Variants in ITPRIP observed in about 807,000 individuals in gnomAD.
ITPRIP encodes the protein inositol 1,4,5-trisphosphate receptor interacting protein, also known as inositol 1,4,5-trisphosphate receptor-interacting protein.
ITPRIP carries 32 observed loss-of-function variants against 35.8 expected under a neutral mutation model. The observed-to-expected ratio is 0.89, with a 90% CI of 0.68 to 1.20. The LOEUF is 1.20. Among genes scored for constraint, ITPRIP ranks in the 50% most tolerant of loss-of-function variants. The pLI, the probability that ITPRIP is intolerant of heterozygous loss-of-function variation, is 0.00. For synonymous variants in ITPRIP, 358 were observed against 324.0 expected (o/e 1.11, Z -1.13); for missense variants, 653 against 735.6 (o/e 0.89, Z 1.30).
intron 1 of ITPRIP, among the ~76,000 whole-genome samples, chr10:104,332,427 T>C (rs1353793010): frequency 6.6e-6 from 1 of 152,164 alleles, no homozygotes. Flanking sequence ...AAACAAAAAC[T>C]TTAATCAGGT....
chr10:104,322,938 T>C (rs567145050), intron 1 of ITPRIP, among the ~76,000 whole-genome samples: 1 of 152,340 alleles, frequency 6.6e-6, no homozygotes, highest in South Asian at 2.1e-4. Flanking sequence ...TCCTTCTGTA[T>C]CCTGGCCTTG....
rs5787516 is a variant in ITPRIP, at chr10:104,328,351, C to CACCT, written c.-14+9891_-14+9894dup. On this transcript the variant is annotated intron_variant, in intron 1 of 1. Transcript: ENST00000337478. This position sits in a 1 kb window ranked among gnomAD's most constrained non-coding sequence, Gnocchi z 4.1. ...CTGGTTTGGAGAGAGCATGAATACC[C>CACCT]ACCTTGGGGCAGGACATGCCAGAGT... 2.6e-3 allele frequency: 2,404 copies of CACCT among 932,932 alleles called. 52 individuals carry two copies. In the African/African-American group the frequency reaches 0.04, roughly 16 times the overall value. 57.8% of individuals were successfully genotyped at this position (932,932 alleles called of 1,614,324 possible). A position where few individuals can be genotyped will look rare whatever the true frequency, so the allele number is the denominator to read the frequency against.
chr10:104,319,043 A>G (rs2013770559), intron 1 of ITPRIP, among the ~76,000 whole-genome samples: 1 of 152,244 alleles, frequency 6.6e-6, no homozygotes, highest in African/African-American at 2.4e-5. Flanking sequence ...GATTACAGAC[A>G]AGACTCAACA....
chr10:104,326,375 G>C lies in ITPRIP; in HGVS notation c.-13-10311C>G, dbSNP rs1564865568. On this transcript the variant is annotated intron_variant, in intron 1 of 1. Transcript: ENST00000337478. This position sits in a 1 kb window ranked among gnomAD's most constrained non-coding sequence, Gnocchi z 4.8. ...AGGGAAGCCATCCTCTCCCAGGAAG[G>C]ACAGAGTGTCCCTCCGTCCAGCCAC... is the stretch of plus-strand genomic sequence containing the variant. The C allele has an allele frequency of 6.6e-6, 1 of 152,192 alleles. No homozygotes were observed. Among genetic ancestry groups the C allele is most frequent in the African/African-American group, 2.4e-5 (1 of 41,452 alleles). The allele number at this position is 152,192 out of a possible 1,614,324, so 9.4% of individuals were successfully genotyped here. A position where few individuals can be genotyped will look rare whatever the true frequency, so the allele number is the denominator to read the frequency against.
In ITPRIP at chr10:104,315,746, C is replaced by A; in HGVS notation, c.306G>T (p.Val102=). Residue 102 remains valine (V), a synonymous_variant, in exon 2 of 2, where the codon GTG becomes GTT. Transcript: ENST00000337478. This position sits in a 1 kb window ranked among gnomAD's most constrained non-coding sequence, Gnocchi z 5.7. The part of the protein sequence containing the change: ...LCMILFLMIE[V]WRQDHQEGPS... ...GCCCCTCCTGGTGGTCCTGCCGCCA[C>A]ACCTCGATCATCAGGAAGAGGATCA... The A allele has an allele frequency of 6.2e-7, 1 of 1,613,960 alleles. No individual in the cohort carries two copies. Among genetic ancestry groups the A allele is most frequent in the South Asian group, 1.1e-5 (1 of 91,088 alleles).
rs1453139159 is a variant in ITPRIP, at chr10:104,314,186, A to C, written c.*222T>G. The C allele has an allele frequency of 2.2e-6, 3 of 1,362,580 alleles. No homozygotes were observed. Among genetic ancestry groups the C allele is most frequent in the Non-Finnish European group, 2.8e-6 (3 of 1,060,232 alleles). The allele number at this position is 1,362,580 out of a possible 1,614,324, so 84.4% of individuals were successfully genotyped here. On this transcript the variant is annotated 3_prime_UTR_variant, in exon 2 of 2. Transcript: ENST00000337478. ...TGCAAGGGATCAGTCCCTAAACCCA[A>C]ATAACAGCTTTACCAGCAGATCCCA...
Position 104,313,174 on chromosome 10 carries a change from T to C in ITPRIP, c.*1234A>G, listed in dbSNP as rs1312664849. 2.0e-6 allele frequency: 2 copies of C among 985,404 alleles called. No homozygotes were observed. Among genetic ancestry groups the C allele is most frequent in the Non-Finnish European group, 2.4e-6 (2 of 830,036 alleles). 61.0% of individuals were successfully genotyped at this position (985,404 alleles called of 1,614,324 possible). A position where few individuals can be genotyped will look rare whatever the true frequency, so the allele number is the denominator to read the frequency against. ...GACTGGAGCTAGGTTTCCATAGTTC[T>C]TGCTTCCATGCACACCCTGCCCTAG... On this transcript the variant is annotated 3_prime_UTR_variant, in exon 2 of 2. Coordinates refer to ENST00000337478, the MANE Select transcript of ITPRIP (RefSeq NM_001272013.2).
chr10:104,335,089 G>A (rs1484701783), intron 1 of ITPRIP, among the ~76,000 whole-genome samples: 1 of 152,184 alleles, frequency 6.6e-6, no homozygotes, highest in African/African-American at 2.4e-5. Context: ...ACCACCCTCT[G>A]AGCAATCTGC....
intron 1 of ITPRIP, among the ~76,000 whole-genome samples, chr10:104,325,620 T>G (rs1318982826): frequency 1.3e-5 from 2 of 152,206 alleles, no homozygotes; most frequent in South Asian, 2.1e-4. Context: ...CTTTGTTGGG[T>G]TGGCATCCTG....
In ITPRIP at chr10:104,324,340, G is replaced by A. The variant is rs550114817; in HGVS notation, c.-13-8276C>T. Among the ~76,000 whole-genome samples the A allele has an allele frequency of 3.3e-5, 5 of 152,332 alleles. No individual in the cohort carries two copies. The South Asian group carries it at 1.0e-3, about 32-fold the overall frequency. ...TGGGGACAGGAGAGGGAATATAGAG[G>A]GGCAGGTGAGCAGACTGGGGCCGGA... is the stretch of plus-strand genomic sequence containing the variant. On this transcript the variant is annotated intron_variant, in intron 1 of 1. Transcript: ENST00000337478.
At chr10:104,329,501 G>T (rs2014106602) in intron 1 of ITPRIP, among the ~76,000 whole-genome samples, 1 of 152,138 alleles carries the variant, frequency 6.6e-6, no homozygotes, top group South Asian at 2.1e-4. Context: ...CACCCAGTAG[G>T]TGTCCAAATA....
chr10:104,330,326 T>A (rs1442469079), intron 1 of ITPRIP, among the ~76,000 whole-genome samples: 1 of 152,166 alleles, frequency 6.6e-6, no homozygotes, highest in Non-Finnish European at 1.5e-5. Flanking sequence ...GGCACTGCAG[T>A]CAGAAAAACA....
chr10:104,316,495 G>A (rs151121057), intron 1 of ITPRIP, among the ~76,000 whole-genome samples: 5 of 152,290 alleles, frequency 3.3e-5, no homozygotes, highest in Non-Finnish European at 7.4e-5. Context: ...AGAGACAGAT[G>A]TAGGGTGTGT....
rs533823602 is a variant in ITPRIP at position 104,333,547 on chromosome 10, C to T, written c.-14+4699G>A. The T allele has an allele frequency of 1.3e-5, 2 of 152,344 alleles. No homozygotes were observed. Among genetic ancestry groups the T allele is most frequent in the Admixed American group, 1.3e-4 (2 of 15,292 alleles). The allele number at this position is 152,344 out of a possible 1,614,324, so 9.4% of individuals were successfully genotyped here. A position where few individuals can be genotyped will look rare whatever the true frequency, so the allele number is the denominator to read the frequency against. The stretch of plus-strand genomic sequence containing the variant: ...CTCTCTGTGGGGAAACGTCACAGGT[C>T]CTAAACTGTTGAGGAGGGGTCTACA... On this transcript the variant is annotated intron_variant, in intron 1 of 1. Coordinates refer to ENST00000337478, the MANE Select transcript of ITPRIP (RefSeq NM_001272013.2). This position sits in a 1 kb window ranked among gnomAD's most constrained non-coding sequence, Gnocchi z 4.1.
intron 1 of ITPRIP, among the ~76,000 whole-genome samples, chr10:104,321,791 G>A (rs276231): frequency 0.4 from 60,692 of 150,664 alleles, 14,532 homozygotes; most frequent in African/African-American, 0.68. Context: ...AGTCCAAGAG[G>A]CTAAGTCATT....
Position 104,328,233 on chromosome 10 carries a change from C to G in ITPRIP, c.-14+10013G>C. On this transcript the variant is annotated intron_variant, in intron 1 of 1. Coordinates refer to ENST00000337478, the MANE Select transcript of ITPRIP (RefSeq NM_001272013.2). The surrounding 1 kb of genome is among the most constrained non-coding windows in gnomAD (Gnocchi z 4.1). Reference sequence around the variant, plus strand: ...AATCACAGTGACAGCAATGCGCCCTCACCACTTCCCGTTGTCCTACATTGG... The same window carrying G: ...AATCACAGTGACAGCAATGCGCCCTGACCACTTCCCGTTGTCCTACATTGG... 1 of 985,416 alleles carries G rather than the reference C, an allele frequency of 1.0e-6. No homozygotes were observed. Among genetic ancestry groups the G allele is most frequent in the Non-Finnish European group, 1.2e-6 (1 of 829,922 alleles). The allele number at this position is 985,416 out of a possible 1,614,324, so 61.0% of individuals were successfully genotyped here. A position where few individuals can be genotyped will look rare whatever the true frequency, so the allele number is the denominator to read the frequency against.
intron 1 of ITPRIP, among the ~76,000 whole-genome samples, chr10:104,330,425 C>T (rs1179758384): frequency 2.6e-5 from 4 of 152,198 alleles, no homozygotes; most frequent in East Asian, 3.8e-4. Flanking sequence ...GTTGCAGCCC[C>T]GTTTGGTCTG....
chr10:104,322,172 G>C (rs2013866981), intron 1 of ITPRIP, among the ~76,000 whole-genome samples: 1 of 152,186 alleles, frequency 6.6e-6, no homozygotes, highest in Non-Finnish European at 1.5e-5. Context: ...CTGTTGGGGA[G>C]ATGTCAGTGT....
chr10:104,335,932 G>GA (rs55637963), intron 1 of ITPRIP, among the ~76,000 whole-genome samples: 37,107 of 144,326 alleles, frequency 0.26, 4,732 homozygotes, highest in Middle Eastern at 0.3. Context: ...TACTTTTGGG[G>GA]AAAAAAAAAA....
Sources: allele counts gnomAD v4.1 joint callset (sites outside exome capture counted in the v4.1 genomes callset), GRCh38; gene constraint gnomAD v4.1.1; non-coding constraint Gnocchi (gnomAD v3.1); transcripts MANE v1.5; gene names NCBI Gene and HGNC (gene_info 2026-07-23, HGNC 2026-07-21).